RRAS2: variants seen among roughly 807,000 people sequenced by gnomAD.
RRAS2 encodes the protein ras-related protein R-Ras2.
In RRAS2, 7 loss-of-function variants were observed where a neutral mutation model predicts 27.6. That is an observed-to-expected ratio of 0.25 (90% CI 0.14 to 0.48). The LOEUF (loss-of-function observed/expected upper bound fraction) is 0.48. Among genes scored for constraint, RRAS2 ranks in the 20% least tolerant of loss-of-function variants. RRAS2 has a pLI of 0.99. For synonymous variants in RRAS2, 86 were observed against 90.9 expected, an observed-to-expected ratio of 0.95 and a Z score of 0.31; for missense variants, 178 against 256.2, an observed-to-expected ratio of 0.69 and a Z score of 2.08.
chr11:14,358,672 G>A lies in RRAS2; in HGVS notation c.108+91C>T, dbSNP rs1478749003. On this transcript the variant is annotated intron_variant, in intron 1 of 5. Coordinates refer to ENST00000256196, the MANE Select transcript of RRAS2 (RefSeq NM_012250.6). This position sits in a 1 kb window ranked among gnomAD's most constrained non-coding sequence, Gnocchi z 5.1. Reference sequence around the variant, plus strand: ...CGGCCCGGGCCCGCGAGGCGCCTCTGGGGCGAGGTCGCGGCGGCCGCCCCG... The same window carrying A: ...CGGCCCGGGCCCGCGAGGCGCCTCTAGGGCGAGGTCGCGGCGGCCGCCCCG... The A allele has an allele frequency of 2.0e-6, 2 of 1,011,782 alleles. No homozygotes were observed. The highest frequency in any genetic ancestry group is 9.1e-5 in the East Asian group (1 of 11,028). The allele number at this position is 1,011,782 out of a possible 1,614,324, so 62.7% of individuals were successfully genotyped here.
chr11:14,286,516 A>G (rs1435981580), intron 4 of RRAS2, among the ~76,000 whole-genome samples: 1 of 152,200 alleles, frequency 6.6e-6, no homozygotes, highest in Non-Finnish European at 1.5e-5. Flanking sequence ...ACTTTGATTG[A>G]TTAGAATATG....
intron 5 of RRAS2, among the ~76,000 whole-genome samples, 170 bp from the exon 6 acceptor site, chr11:14,279,594 G>C (rs530407961): frequency 6.6e-6 from 1 of 152,048 alleles, no homozygotes; most frequent in African/African-American, 2.4e-5. Context: ...GCACAAACGC[G>C]TCAACACCAG....
chr11:14,323,758 A>G (rs1848281816), intron 1 of RRAS2, among the ~76,000 whole-genome samples: 1 of 152,178 alleles, frequency 6.6e-6, no homozygotes, highest in Non-Finnish European at 1.5e-5. Context: ...CAATTTCACT[A>G]ATAAACATAC....
intron 4 of RRAS2, among the ~76,000 whole-genome samples, chr11:14,290,149 A>G (rs1185580065): frequency 6.6e-6 from 1 of 152,180 alleles, no homozygotes; most frequent in African/African-American, 2.4e-5. Flanking sequence ...TTGTGAAGAG[A>G]TGTTAAAAAG....
chr11:14,283,125 A>T (rs1472283859), intron 4 of RRAS2, among the ~76,000 whole-genome samples: 1 of 152,176 alleles, frequency 6.6e-6, no homozygotes, highest in African/African-American at 2.4e-5. Context: ...GTTTATCAGG[A>T]ATGGATGGCG....
chr11:14,347,279 T>C, intron 1 of RRAS2, among the ~76,000 whole-genome samples: 1 of 152,314 alleles, frequency 6.6e-6, no homozygotes, highest in Admixed American at 6.5e-5. Flanking sequence ...TAACCCTTAA[T>C]GACAAACGGA....
chr11:14,308,007 GA>G (rs747548125), intron 1 of RRAS2, among the ~76,000 whole-genome samples: 92 of 152,214 alleles, frequency 6.0e-4, no homozygotes, highest in Non-Finnish European at 1.0e-3. Context: ...CTTCAGCAAG[GA>G]CAATGTCATT....
At chr11:14,323,982 A>T (rs1346406173) in intron 1 of RRAS2, among the ~76,000 whole-genome samples, 1 of 45,610 alleles carries the variant, frequency 2.2e-5, no homozygotes, top group South Asian at 9.9e-4. Context: ...ATTTGTCTTA[A>T]AAAAAAAAAA....
At chr11:14,316,581 T>G (rs932084568) in intron 1 of RRAS2, among the ~76,000 whole-genome samples, 3 of 152,036 alleles carry the variant, frequency 2.0e-5, no homozygotes, top group African/African-American at 7.2e-5. Context: ...CTCTACCTAC[T>G]AAATAAATAA....
At chr11:14,290,730 T>C (rs1355694349) in intron 4 of RRAS2, among the ~76,000 whole-genome samples, 5 of 152,222 alleles carry the variant, frequency 3.3e-5, no homozygotes, top group Non-Finnish European at 5.9e-5. Context: ...TTTGTCCAAT[T>C]AGTGATACTG....
chr11:14,292,700 C>T (rs1192819918), intron 4 of RRAS2, among the ~76,000 whole-genome samples: 3 of 152,074 alleles, frequency 2.0e-5, no homozygotes, highest in Non-Finnish European at 4.4e-5. Flanking sequence ...AAATGAAGAA[C>T]AAATTTTTTC....
exon 1 of RRAS2, chr11:14,364,432 G>A (rs1227324585): frequency 7.8e-6 from 12 of 1,533,946 alleles, no homozygotes; most frequent in Non-Finnish European, 1.0e-5. Flanking sequence ...TTCCTTAATG[G>A]GCCATTGCTT....
At chr11:14,324,294 A>T (rs1649061239) in intron 1 of RRAS2, among the ~76,000 whole-genome samples, 1 of 152,136 alleles carries the variant, frequency 6.6e-6, no homozygotes, top group Non-Finnish European at 1.5e-5. Context: ...GTATAAAGCT[A>T]TTAGAAAGCT....
chr11:14,279,149 TC>T lies in RRAS2; in HGVS notation c.*187del, dbSNP rs1376693091. 1 of 569,524 alleles carries T rather than the reference TC, an allele frequency of 1.8e-6. No homozygotes were observed. Among genetic ancestry groups the T allele is most frequent in the African/African-American group, 1.9e-5 (1 of 53,290 alleles). The allele number at this position is 569,524 out of a possible 1,614,324, so 35.3% of individuals were successfully genotyped here. A position where few individuals can be genotyped will look rare whatever the true frequency, so the allele number is the denominator to read the frequency against. Reference sequence around the variant, plus strand: ...TAATCTTTGAAGCAGCCTTAGTGTTTCCTTTAAATTTGTCTGGAAATGACCA... The same window carrying T: ...TAATCTTTGAAGCAGCCTTAGTGTTTCTTTAAATTTGTCTGGAAATGACCA... On this transcript the variant is annotated 3_prime_UTR_variant, in exon 6 of 6. Coordinates refer to ENST00000256196, the MANE Select transcript of RRAS2 (RefSeq NM_012250.6).
intron 1 of RRAS2, 165 bp from the exon 2 acceptor site, chr11:14,296,020 T>A (rs896838652): frequency 8.9e-6 from 4 of 448,322 alleles, no homozygotes; most frequent in Non-Finnish European, 1.6e-5. Flanking sequence ...AAAAAAAAAT[T>A]AAAAAATTAA....
chr11:14,339,028 T>C (rs1848643826), intron 1 of RRAS2, among the ~76,000 whole-genome samples: 1 of 152,158 alleles, frequency 6.6e-6, no homozygotes, highest in Non-Finnish European at 1.5e-5. Flanking sequence ...GCCATTTATC[T>C]GACCTTCTAG....
chr11:14,304,084 C>T (rs1554947763), intron 1 of RRAS2, among the ~76,000 whole-genome samples: 1 of 152,200 alleles, frequency 6.6e-6, no homozygotes, highest in African/African-American at 2.4e-5. Context: ...TAACGTCTTT[C>T]TAAGTACAAA....
rs905059620 is a variant in RRAS2 at position 14,316,677 on chromosome 11, A to C, written c.109-20822T>G. On this transcript the variant is annotated intron_variant, in intron 1 of 5. Coordinates refer to ENST00000256196, the MANE Select transcript of RRAS2 (RefSeq NM_012250.6). ...AGGATTGCTTAAGCCCAGGAGGTCA[A>C]GGCTGCAGTGAGCTATGATCGCACC... Among the ~76,000 whole-genome samples, 37 of 152,236 alleles carry C rather than the reference A, an allele frequency of 2.4e-4. 1 individual carries two copies. The highest frequency in any genetic ancestry group is 1.0e-4 in the Non-Finnish European group (7 of 68,042).
chr11:14,290,182 G>A (rs1390045822), intron 4 of RRAS2, among the ~76,000 whole-genome samples: 4 of 152,238 alleles, frequency 2.6e-5, no homozygotes, highest in African/African-American at 9.6e-5. Context: ...TGGGCGCAGA[G>A]GCTCACACCT....
Sources: allele counts gnomAD v4.1 joint callset (sites outside exome capture counted in the v4.1 genomes callset), GRCh38; gene constraint gnomAD v4.1.1; non-coding constraint Gnocchi (gnomAD v3.1); transcripts MANE v1.5; gene names NCBI Gene and HGNC (gene_info 2026-07-23, HGNC 2026-07-21).